DPYD: variants seen among roughly 807,000 people sequenced by gnomAD.
The protein encoded by DPYD is dihydropyrimidine dehydrogenase.
DPYD carries 109 observed loss-of-function variants against 116.2 expected under a neutral mutation model. The observed-to-expected ratio is 0.94, with a 90% CI of 0.80 to 1.10. The LOEUF (loss-of-function observed/expected upper bound fraction) is 1.10. Among genes scored for constraint, DPYD ranks in the 50% least tolerant of loss-of-function variants. The probability of loss-of-function intolerance (pLI) is 0.00; values close to 1 mark genes in which losing one functional copy is unlikely to be tolerated. For missense variants in DPYD, 1,302 were observed against 1,254.5 expected (o/e 1.04, Z -0.57); for synonymous variants, 440 against 432.0 (o/e 1.02, Z -0.23).
chr1:97,866,525 G>A (rs970894615), intron 2 of DPYD, among the ~76,000 whole-genome samples: 1 of 151,884 alleles, frequency 6.6e-6, no homozygotes, highest in Admixed American at 6.6e-5. Flanking sequence ...CGAGGTGCCA[G>A]GTATTGTTGT....
At chr1:97,102,489 A>ATCTATCTATCTG (rs1553213425) in intron 20 of DPYD, among the ~76,000 whole-genome samples, 1 of 68,390 alleles carries the variant, frequency 1.5e-5, no homozygotes, top group African/African-American at 5.8e-5. Flanking sequence ...CTATCTATCT[A>ATCTATCTATCTG]TCTATCTCCT....
At chr1:97,667,086 T>C (rs536646611) in intron 8 of DPYD, among the ~76,000 whole-genome samples, 1 of 152,252 alleles carries the variant, frequency 6.6e-6, no homozygotes, top group East Asian at 1.9e-4. Context: ...ATACTACAAA[T>C]GTAAAGAGCT....
At chr1:97,097,965 G>T (rs947684494) in intron 21 of DPYD, among the ~76,000 whole-genome samples, 2 of 152,082 alleles carry the variant, frequency 1.3e-5, no homozygotes, top group African/African-American at 2.4e-5. Context: ...ATCAAGAAAG[G>T]TAACACATAC....
rs144296088 is a variant in DPYD at position 97,739,140 on chromosome 1, C to T, written c.321+1252G>A. The stretch of plus-strand genomic sequence containing the variant: ...TTGGATTCTCCTTTTCTGATGAGAT[C>T]TTTATTAAAAAATGTGATTTTATAA... On this transcript the variant is annotated intron_variant, in intron 4 of 22. Transcript: ENST00000370192. 4.3e-3 allele frequency among the ~76,000 whole-genome samples: 657 copies of T among 152,102 alleles called. 2 individuals are homozygous for T. Among genetic ancestry groups the T allele is most frequent in the African/African-American group, 0.015 (632 of 41,500 alleles).
chr1:97,212,615 C>A (rs1660111470), intron 19 of DPYD, among the ~76,000 whole-genome samples: 1 of 152,056 alleles, frequency 6.6e-6, no homozygotes, highest in Admixed American at 6.6e-5. Flanking sequence ...TTGTATGGTA[C>A]ATTTTTGTAA....
chr1:97,704,698 T>C (rs1661806091), intron 5 of DPYD, among the ~76,000 whole-genome samples: 1 of 152,010 alleles, frequency 6.6e-6, no homozygotes, highest in Non-Finnish European at 1.5e-5. Context: ...TATTGTTTCA[T>C]AATGTAACAA....
At chr1:97,436,059 C>T (rs1675454183) in intron 14 of DPYD, among the ~76,000 whole-genome samples, 1 of 151,934 alleles carries the variant, frequency 6.6e-6, no homozygotes, top group Non-Finnish European at 1.5e-5. Context: ...TAAATGGGCC[C>T]TTTGCACATT....
chr1:97,761,678 A>G (rs1043260521), intron 3 of DPYD, among the ~76,000 whole-genome samples: 1 of 152,158 alleles, frequency 6.6e-6, no homozygotes, highest in Non-Finnish European at 1.5e-5. Context: ...AGGTACATAA[A>G]TCATTCTACC....
At chr1:97,440,352 T>C (rs1318780060) in intron 14 of DPYD, among the ~76,000 whole-genome samples, 3 of 152,188 alleles carry the variant, frequency 2.0e-5, no homozygotes, top group Non-Finnish European at 4.4e-5. Context: ...GATTATTTAA[T>C]GGTTAGGTTT....
intron 18 of DPYD, among the ~76,000 whole-genome samples, chr1:97,263,066 T>C (rs758464274): frequency 8.5e-5 from 13 of 152,104 alleles, no homozygotes; most frequent in Non-Finnish European, 1.6e-4. Flanking sequence ...CAAAGCATGC[T>C]TGTCAATATT....
chr1:97,376,887 G>GTGTGTATATATATATATATATATATATA, intron 15 of DPYD, among the ~76,000 whole-genome samples: 3 of 128,408 alleles, frequency 2.3e-5, no homozygotes, highest in African/African-American at 5.7e-5. Flanking sequence ...GTGTGTGTGT[G>GTGTGTATATATATATATATATATATATA]TATATATATA....
At chr1:97,533,929 C>T (rs1205315917) in intron 12 of DPYD, among the ~76,000 whole-genome samples, 1 of 152,060 alleles carries the variant, frequency 6.6e-6, no homozygotes, top group African/African-American at 2.4e-5. Context: ...TCATTTGTAT[C>T]CTTCTGTTCC....
At chr1:97,162,281 G>T (rs1208480249) in intron 20 of DPYD, among the ~76,000 whole-genome samples, 1 of 152,076 alleles carries the variant, frequency 6.6e-6, no homozygotes. Context: ...GTGTGAGATG[G>T]TATCTCATTG....
chr1:97,576,382 T>C (rs1653263106), intron 10 of DPYD, among the ~76,000 whole-genome samples: 1 of 152,202 alleles, frequency 6.6e-6, no homozygotes, highest in African/African-American at 2.4e-5. Flanking sequence ...CTGTACCTAT[T>C]GGGAATATGT....
At chr1:97,849,659 T>C (rs946241463) in intron 2 of DPYD, among the ~76,000 whole-genome samples, 1 of 152,172 alleles carries the variant, frequency 6.6e-6, no homozygotes, top group Non-Finnish European at 1.5e-5. Flanking sequence ...AACTGTATTA[T>C]CTTTCATAAT....
chr1:97,318,629 A>G (rs2101089945), intron 16 of DPYD, among the ~76,000 whole-genome samples: 1 of 152,028 alleles, frequency 6.6e-6, no homozygotes, highest in East Asian at 2.0e-4. Flanking sequence ...CACATTAATA[A>G]TGAGACACTT....
Position 97,078,403 on chromosome 1 carries a change from C to T in DPYD, c.*573G>A, listed in dbSNP as rs1042482. 10,774 of 169,874 alleles carry T rather than the reference C, an allele frequency of 0.063. 453 individuals carry two copies. The highest frequency in any genetic ancestry group is 0.17 in the South Asian group (1,187 of 7,084). 10.5% of individuals were successfully genotyped at this position (169,874 alleles called of 1,614,324 possible). ...AGCAATTTCAGCGAAGGGGATTTTA[C>T]TTAATAAAGTTCTACAAACTCAATT... On this transcript the variant is annotated 3_prime_UTR_variant, in exon 23 of 23. Transcript: ENST00000370192.
intron 16 of DPYD, among the ~76,000 whole-genome samples, chr1:97,358,197 G>A (rs12402646): frequency 3.3e-5 from 5 of 152,176 alleles, no homozygotes; most frequent in African/African-American, 1.2e-4. Flanking sequence ...CCTTGCTTAT[G>A]GCTAGCGCAG....
At chr1:97,636,287 G>C (rs1657556167) in intron 8 of DPYD, among the ~76,000 whole-genome samples, 1 of 151,954 alleles carries the variant, frequency 6.6e-6, no homozygotes, top group Admixed American at 6.6e-5. Flanking sequence ...TCATACTGTT[G>C]ATCCTATTTC....
Sources: gnomAD v4.1 joint callset for allele counts (sites outside exome capture counted in the v4.1 genomes callset) on GRCh38, gnomAD v4.1.1 for gene constraint, MANE v1.5 for transcripts, NCBI Gene and HGNC (gene_info 2026-07-23, HGNC 2026-07-21) for gene names.